The following CBFB variants were observed in gnomAD, a reference collection of about 807,000 sequenced individuals.
CBFB encodes core-binding factor subunit beta.
In CBFB, 9 loss-of-function variants were observed where a neutral mutation model predicts 30.4. That is an observed-to-expected ratio of 0.30 (90% CI 0.18 to 0.52). The LOEUF (loss-of-function observed/expected upper bound fraction) is 0.52, where lower values mean the gene tolerates loss of function less well. CBFB is among the 20% of genes least tolerant of loss of function. CBFB has a pLI of 0.97. For missense variants in CBFB, 170 were observed against 244.0 expected (o/e 0.70, Z 2.02); for synonymous variants, 94 against 84.0 (o/e 1.12, Z -0.65).
chr16:67,036,640 CT>C lies in CBFB; in HGVS notation c.171del (p.Phe57LeufsTer32). 2 of 1,601,436 alleles carry C rather than the reference CT, an allele frequency of 1.2e-6. No individual in the cohort carries two copies. Among genetic ancestry groups the C allele is most frequent in the Non-Finnish European group, 1.7e-6 (2 of 1,168,594 alleles). On this transcript the variant is annotated frameshift_variant and splice_region_variant, in exon 3 of 6. Coordinates refer to ENST00000412916, the MANE Select transcript of CBFB (RefSeq NM_022845.3). LOFTEE classifies it high-confidence loss of function. ...TGTTTGTATTGATTTTTCTAAAAGG[CT>C]TTTGTGGCCACAGGAACCAATCTGT... ...NACRDGRSEI[A>X]FVATGTNLSL...
chr16:67,072,119 C>A (rs1961239260), intron 4 of CBFB, among the ~76,000 whole-genome samples: 1 of 152,036 alleles, frequency 6.6e-6, no homozygotes, highest in South Asian at 2.1e-4. Flanking sequence ...ATGAGAGTGA[C>A]CATATTACTT....
At chr16:67,092,354 G>C (rs1961911126) in intron 5 of CBFB, among the ~76,000 whole-genome samples, 1 of 152,056 alleles carries the variant, frequency 6.6e-6, no homozygotes, top group Admixed American at 6.6e-5. Flanking sequence ...TTTGTGCTTT[G>C]TGTCTCCTCC....
chr16:67,086,180 C>T (rs1195899976), intron 5 of CBFB, among the ~76,000 whole-genome samples: 1 of 152,164 alleles, frequency 6.6e-6, no homozygotes, highest in Admixed American at 6.5e-5. Flanking sequence ...ACTTCCACAC[C>T]ATGCCCTTTC....
intron 4 of CBFB, among the ~76,000 whole-genome samples, chr16:67,079,173 T>C (rs1032141085): frequency 2.0e-5 from 3 of 152,246 alleles, no homozygotes. Context: ...TTGAATGCTG[T>C]CAGTATGCTT....
chr16:67,050,042 C>T (rs937107106), intron 3 of CBFB, among the ~76,000 whole-genome samples: 1 of 151,796 alleles, frequency 6.6e-6, no homozygotes, highest in African/African-American at 2.4e-5. Flanking sequence ...GCATACTACA[C>T]TACTGCTAAT....
chr16:67,068,703 T>C (rs1597146159), intron 4 of CBFB, among the ~76,000 whole-genome samples: 1 of 152,274 alleles, frequency 6.6e-6, no homozygotes, highest in African/African-American at 2.4e-5. Flanking sequence ...ATGCAACTTA[T>C]ACAAAGGTGA....
chr16:67,053,589 A>G (rs1285351733), intron 3 of CBFB, among the ~76,000 whole-genome samples: 1 of 151,910 alleles, frequency 6.6e-6, no homozygotes, highest in Non-Finnish European at 1.5e-5. Context: ...CTCCTAGAAG[A>G]TGAGCTGAAC....
intron 3 of CBFB, among the ~76,000 whole-genome samples, chr16:67,039,383 G>C (rs1042131937): frequency 5.3e-5 from 8 of 152,194 alleles, no homozygotes; most frequent in Non-Finnish European, 7.4e-5. Flanking sequence ...AGGACTGGAA[G>C]TTGCTCTGGG....
intron 2 of CBFB, among the ~76,000 whole-genome samples, chr16:67,034,044 G>A (rs967914887): frequency 6.6e-6 from 1 of 151,868 alleles, no homozygotes; most frequent in East Asian, 1.9e-4. Context: ...TGGCCAGACT[G>A]GTGTTAAACT....
intron 5 of CBFB, among the ~76,000 whole-genome samples, chr16:67,096,267 C>A (rs1015364043): frequency 1.3e-5 from 2 of 151,426 alleles, no homozygotes; most frequent in Non-Finnish European, 2.9e-5. Flanking sequence ...GCTGAGATTG[C>A]GCTACTGTAC....
chr16:67,098,774 G>T lies in CBFB; in HGVS notation c.560G>T (p.Arg187Leu), dbSNP rs200416354. 1 of 1,581,378 alleles carries T rather than the reference G, an allele frequency of 6.3e-7. No individual in the cohort carries two copies. The highest frequency in any genetic ancestry group is 8.7e-7 in the Non-Finnish European group (1 of 1,150,322). Residue 187 changes from arginine to leucine, a missense_variant, in exon 6 of 6, where the codon CGT (arginine) becomes CTT (leucine). Coordinates refer to ENST00000412916, the MANE Select transcript of CBFB (RefSeq NM_022845.3). ...GGTGGTGGTGATGACCTCAAACTTC[G>T]TTAATTAATAGCACAGCAGATGTGT... ...NLGGGDDLKL[R>L]
intron 5 of CBFB, among the ~76,000 whole-genome samples, chr16:67,086,514 T>C (rs1054695734): frequency 6.6e-6 from 1 of 152,212 alleles, no homozygotes; most frequent in African/African-American, 2.4e-5. Context: ...TCTTCCACAT[T>C]ACCTACCACA....
intron 3 of CBFB, among the ~76,000 whole-genome samples, chr16:67,047,719 G>A (rs1966653438): frequency 3.3e-5 from 5 of 152,086 alleles, no homozygotes; most frequent in Admixed American, 3.3e-4. Context: ...ATTCACACCA[G>A]CTTTTTAGTC....
chr16:67,046,670 G>A (rs1966633534), intron 3 of CBFB, among the ~76,000 whole-genome samples: 1 of 152,178 alleles, frequency 6.6e-6, no homozygotes, highest in Non-Finnish European at 1.5e-5. Flanking sequence ...CCCCTTGCAG[G>A]TAGTGTTCTA....
At chr16:67,057,753 G>T (rs1348302119) in intron 3 of CBFB, among the ~76,000 whole-genome samples, 2 of 151,872 alleles carry the variant, frequency 1.3e-5, no homozygotes, top group African/African-American at 4.8e-5. Flanking sequence ...AACTCCACTG[G>T]TTAAATAAAA....
intron 3 of CBFB, among the ~76,000 whole-genome samples, chr16:67,055,761 C>T (rs1263618975): frequency 6.6e-6 from 1 of 152,116 alleles, no homozygotes; most frequent in East Asian, 1.9e-4. Flanking sequence ...TTTACACATA[C>T]ATGCAACCCA....
intron 5 of CBFB, among the ~76,000 whole-genome samples, chr16:67,086,646 T>C (rs1161034431): frequency 6.6e-6 from 1 of 152,230 alleles, no homozygotes; most frequent in African/African-American, 2.4e-5. Flanking sequence ...TAATACATAT[T>C]AATGGTCTCT....
intron 3 of CBFB, among the ~76,000 whole-genome samples, chr16:67,060,674 G>A (rs952653364): frequency 6.6e-6 from 1 of 152,116 alleles, no homozygotes; most frequent in African/African-American, 2.4e-5. Context: ...TCCTGCCTCA[G>A]CCTCCCGAGT....
chr16:67,029,349 C>T lies in CBFB; in HGVS notation c.-59C>T. 1.6e-6 allele frequency: 2 copies of T among 1,275,382 alleles called. No individual in the cohort carries two copies. Among genetic ancestry groups the T allele is most frequent in the Non-Finnish European group, 2.1e-6 (2 of 967,296 alleles). The allele number at this position is 1,275,382 out of a possible 1,614,324, so 79.0% of individuals were successfully genotyped here. On this transcript the variant is annotated 5_prime_UTR_variant, in exon 1 of 6. Transcript: ENST00000412916. ...GTCAGTCGGTCAGCGCGGAGCCAGC[C>T]AGCGGGTGCCCGCGCAAGCCCCGAG...
Sources: gnomAD v4.1 joint callset for allele counts (sites outside exome capture counted in the v4.1 genomes callset) on GRCh38, gnomAD v4.1.1 for gene constraint, MANE v1.5 for transcripts, NCBI Gene and HGNC (gene_info 2026-07-23, HGNC 2026-07-21) for gene names.